The following ADGRG2 variants were observed in gnomAD, a reference collection of about 807,000 sequenced individuals.
ADGRG2 encodes adhesion G protein-coupled receptor G2.
In ADGRG2, 26 loss-of-function variants were observed where a neutral mutation model predicts 74.1. The observed-to-expected ratio is 0.35, with a 90% CI of 0.26 to 0.49. ADGRG2 has a LOEUF of 0.49. Among genes scored for constraint, ADGRG2 ranks in the 20% least tolerant of loss-of-function variants. The probability of loss-of-function intolerance (pLI) is 0.99; values close to 1 mark genes in which losing one functional copy is unlikely to be tolerated. For synonymous variants in ADGRG2, 296 were observed against 295.2 expected, an observed-to-expected ratio of 1.00 and a Z score of -0.03; for missense variants, 619 against 763.1, an observed-to-expected ratio of 0.81 and a Z score of 2.22.
At chrX:19,041,811 G>A (rs758150896) in intron 3 of ADGRG2, among the ~76,000 whole-genome samples, 1 of 110,972 alleles carries the variant, frequency 9.0e-6, no homozygotes, top group Non-Finnish European at 1.9e-5. Context: ...GCTTTTAAAG[G>A]GTTAATTTTG....
At chrX:19,031,747 T>C (rs912491634) in intron 8 of ADGRG2, 1 of 112,122 alleles carries the variant, frequency 8.9e-6, no homozygotes, top group African/African-American at 3.2e-5. Context: ...AAAATGAGCA[T>C]CAGAACCAAA....
At position 18,991,053 on chromosome X, in the gene ADGRG2, A is replaced by T; in HGVS notation, c.2870-5T>A. On this transcript the variant is annotated splice_polypyrimidine_tract_variant and splice_region_variant and intron_variant, in intron 28 of 28. Transcript: ENST00000379869. ...TCCTCTCTGTAGAAGCATTTCCTGT[A>T]TAAGGAAACACAAAGCGGGTGGCAT... is the stretch of plus-strand genomic sequence containing the variant. 1 of 1,134,076 alleles carries T rather than the reference A, an allele frequency of 8.8e-7. No homozygotes were observed. The highest frequency in any genetic ancestry group is 1.2e-6 in the Non-Finnish European group (1 of 843,095). The allele number at this position is 1,134,076 out of a possible 1,213,427, so 93.5% of individuals were successfully genotyped here.
chrX:19,031,321 C>T lies in ADGRG2; in HGVS notation c.305-284G>A, dbSNP rs190579181. 45 of 312,681 alleles carry T rather than the reference C, an allele frequency of 1.4e-4. No homozygotes were observed. The Admixed American group carries it at 1.9e-3, about 13-fold the overall frequency. 25.8% of individuals were successfully genotyped at this position (312,681 alleles called of 1,213,427 possible). A position where few individuals can be genotyped will look rare whatever the true frequency, so the allele number is the denominator to read the frequency against. ...GACCCCTTCCCAATTAATCCCTCTC[C>T]TGTTCAGTATAAACAGAGCACCATG... is the stretch of plus-strand genomic sequence containing the variant. On this transcript the variant is annotated intron_variant, in intron 8 of 28. Transcript: ENST00000379869.
At chrX:19,071,948 G>C (rs2061660091) in intron 2 of ADGRG2, among the ~76,000 whole-genome samples, 1 of 110,194 alleles carries the variant, frequency 9.1e-6, no homozygotes, top group Admixed American at 9.7e-5. Context: ...TAATTCACAA[G>C]TATTTAAGTG....
chrX:18,992,701 A>C (rs2059943762), intron 28 of ADGRG2, among the ~76,000 whole-genome samples: 1 of 112,292 alleles, frequency 8.9e-6, no homozygotes, highest in African/African-American at 3.2e-5. Context: ...TGTGATATTA[A>C]ACACTGAGCC....
intron 2 of ADGRG2, among the ~76,000 whole-genome samples, chrX:19,081,393 T>C (rs1008200204): frequency 9.0e-6 from 1 of 111,655 alleles, no homozygotes; most frequent in Non-Finnish European, 1.9e-5. Context: ...GGGGCAGGGA[T>C]AGGGCAAAAG....
chrX:19,009,581 T>A, intron 18 of ADGRG2, 45 bp downstream of exon 18: 1 of 1,106,397 alleles, frequency 9.0e-7, no homozygotes, highest in South Asian at 1.8e-5. Context: ...GGGACTACAA[T>A]CACACACAAG....
chrX:19,023,163 C>A (rs915013373), intron 13 of ADGRG2, among the ~76,000 whole-genome samples: 1 of 111,461 alleles, frequency 9.0e-6, no homozygotes. Flanking sequence ...CACTGATGAC[C>A]CTTAGCCTTG....
At chrX:19,053,767 AT>A (rs1179430042) in intron 3 of ADGRG2, among the ~76,000 whole-genome samples, 1 of 111,990 alleles carries the variant, frequency 8.9e-6, no homozygotes, top group Non-Finnish European at 1.9e-5. Context: ...AGACTGGGTA[AT>A]TTATAAAGGA....
At chrX:19,073,553 G>A (rs1236233479) in intron 2 of ADGRG2, among the ~76,000 whole-genome samples, 3 of 111,394 alleles carry the variant, frequency 2.7e-5, no homozygotes, top group East Asian at 5.6e-4. Context: ...CTAAAAACTC[G>A]TTCTAGAGCT....
rs2060891653 is a variant in ADGRG2 at position 19,034,437 on chromosome X, AG to A, written c.263-784del. 2.7e-5 allele frequency: 3 copies of A among 111,801 alleles called. No homozygotes were observed. The South Asian group carries it at 1.1e-3, about 42-fold the overall frequency. The allele number at this position is 111,801 out of a possible 1,213,427, so 9.2% of individuals were successfully genotyped here. On this transcript the variant is annotated intron_variant, in intron 7 of 28. Transcript: ENST00000379869. ...GATTTTCACCGAAGCTCTGTCACCT[AG>A]GGTGGATGGGCAAATTCTGAAGAAA...
At chrX:19,102,206 C>A (rs757229756) in intron 1 of ADGRG2, among the ~76,000 whole-genome samples, 1 of 108,847 alleles carries the variant, frequency 9.2e-6, no homozygotes, top group Non-Finnish European at 1.9e-5. Context: ...TGAGCCACCA[C>A]GCCCGGCCTG....
At chrX:19,001,293 A>T (rs2060128092) in intron 24 of ADGRG2, among the ~76,000 whole-genome samples, 1 of 110,115 alleles carries the variant, frequency 9.1e-6, no homozygotes, top group Non-Finnish European at 1.9e-5. Flanking sequence ...GTGGGGAAAG[A>T]ATCCTATTCA....
intron 7 of ADGRG2, chrX:19,034,877 T>A (rs1359402155): frequency 4.6e-5 from 5 of 108,637 alleles, no homozygotes; most frequent in African/African-American, 1.7e-4. Flanking sequence ...GAGCTTGCAG[T>A]GAGCCAAGAA....
chrX:19,106,844 C>A (rs994683068), intron 1 of ADGRG2, among the ~76,000 whole-genome samples: 2 of 109,185 alleles, frequency 1.8e-5, no homozygotes, highest in African/African-American at 6.7e-5. Flanking sequence ...CACTTGAACC[C>A]GGGAGGTGGA....
Position 18,990,899 on chromosome X carries a change from T to G in ADGRG2, c.3019A>C (p.Lys1007Gln). 1 of 1,206,009 alleles carries G rather than the reference T, an allele frequency of 8.3e-7. No homozygotes were observed. Among genetic ancestry groups the G allele is most frequent in the Non-Finnish European group, 1.1e-6 (1 of 891,915 alleles). ...TCAATAAAGTGTAAGCTTCCCCGCT[T>G]TGAAGTCCTTCTGAGAGCCATACGG... ...KGRMALRRTS[K>Q]RGSLHFIEQM The change falls in exon 29 of 29, where the codon AAG (lysine) becomes CAG (glutamine). Residue 1007 changes from lysine to glutamine, a missense_variant. Physicochemically the swap from Lys to Gln is moderately conservative, Grantham distance 53. Transcript: ENST00000379869.
chrX:19,004,726 C>T (rs1366448386), intron 23 of ADGRG2, 32 bp downstream of exon 23: 2 of 1,199,328 alleles, frequency 1.7e-6, no homozygotes, highest in Non-Finnish European at 2.3e-6. Context: ...GTGCTGAGTC[C>T]TAAATCCAAA....
chrX:19,115,600 G>A (rs2062496631), intron 1 of ADGRG2, among the ~76,000 whole-genome samples: 1 of 110,993 alleles, frequency 9.0e-6, no homozygotes, highest in Non-Finnish European at 1.9e-5. Context: ...GGAGGAGGCT[G>A]TGTTTGGAGA....
At chrX:19,022,013 C>A (rs912568374) in intron 13 of ADGRG2, among the ~76,000 whole-genome samples, 1 of 109,580 alleles carries the variant, frequency 9.1e-6, no homozygotes, top group African/African-American at 3.3e-5. Context: ...CCTGTAATCC[C>A]AGCACTTTGG....
Sources: gnomAD v4.1 joint callset for allele counts (sites outside exome capture counted in the v4.1 genomes callset) on GRCh38, gnomAD v4.1.1 for gene constraint, MANE v1.5 for transcripts, NCBI Gene and HGNC (gene_info 2026-07-23, HGNC 2026-07-21) for gene names.